Variants in PARD3B observed in about 807,000 individuals in gnomAD.
The protein encoded by PARD3B is partitioning defective 3 homolog B.
In PARD3B, 103 loss-of-function variants were observed where a neutral mutation model predicts 130.2. The observed-to-expected ratio is 0.79, with a 90% CI of 0.67 to 0.93. PARD3B has a LOEUF of 0.93. Ranked by LOEUF, PARD3B falls within the 40% of genes least tolerant of loss-of-function variation. PARD3B has a pLI of 0.00. For missense variants in PARD3B, 1,609 were observed against 1,499.2 expected (o/e 1.07, Z -1.21); for synonymous variants, 583 against 553.2 (o/e 1.05, Z -0.76).
At chr2:204,831,316 A>T (rs1270238252) in intron 2 of PARD3B, among the ~76,000 whole-genome samples, 1 of 152,228 alleles carries the variant, frequency 6.6e-6, no homozygotes, top group Non-Finnish European at 1.5e-5. Context: ...ATTGGAAAAG[A>T]AGTACAATTT....
intron 10 of PARD3B, among the ~76,000 whole-genome samples, chr2:205,131,588 A>G (rs1361551493): frequency 6.6e-6 from 1 of 152,194 alleles, no homozygotes; most frequent in Non-Finnish European, 1.5e-5. Context: ...AAATGAGCAA[A>G]TAAATTGTTA....
At chr2:205,539,680 G>A (rs2052035093) in intron 21 of PARD3B, among the ~76,000 whole-genome samples, 1 of 152,160 alleles carries the variant, frequency 6.6e-6, no homozygotes, top group South Asian at 2.1e-4. Flanking sequence ...TATTTCCTCA[G>A]TAGTTTAGAT....
At chr2:204,614,794 C>A (rs1025941784) in intron 1 of PARD3B, among the ~76,000 whole-genome samples, 1 of 152,110 alleles carries the variant, frequency 6.6e-6, no homozygotes, top group African/African-American at 2.4e-5. Context: ...GCTCCTCCTC[C>A]CGCTTCACCT....
intron 2 of PARD3B, among the ~76,000 whole-genome samples, chr2:204,857,741 C>A (rs1056284782): frequency 6.6e-6 from 1 of 152,114 alleles, no homozygotes; most frequent in African/African-American, 2.4e-5. Flanking sequence ...AGGAAGAACA[C>A]TTCTGGGGAG....
intron 20 of PARD3B, among the ~76,000 whole-genome samples, chr2:205,479,409 T>G (rs1341237685): frequency 6.6e-6 from 1 of 152,174 alleles, no homozygotes; most frequent in Admixed American, 6.5e-5. Flanking sequence ...TAGCCACTAT[T>G]GGGGGACTAG....
rs2046440704 is a variant in PARD3B, at chr2:205,407,158, A to T, written c.2741+6035A>T. 6.6e-6 allele frequency among the ~76,000 whole-genome samples: 1 copy of T among 152,200 alleles called. No homozygotes were observed. Among genetic ancestry groups the T allele is most frequent in the Admixed American group, 6.5e-5 (1 of 15,270 alleles). On this transcript the variant is annotated intron_variant, in intron 19 of 22. Transcript: ENST00000406610. The surrounding 1 kb of genome is among the most constrained non-coding windows in gnomAD (Gnocchi z 4.1). Reference sequence around the variant, plus strand: ...GCATACACCATTGTTACCTGAGTGTATAAGCCCAAGTTTCTTGCTCAAGAT... The same window carrying T: ...GCATACACCATTGTTACCTGAGTGTTTAAGCCCAAGTTTCTTGCTCAAGAT...
chr2:205,216,045 T>C (rs2037890890), intron 15 of PARD3B, among the ~76,000 whole-genome samples: 1 of 152,134 alleles, frequency 6.6e-6, no homozygotes, highest in South Asian at 2.1e-4. Flanking sequence ...ATGTACGATG[T>C]AGTAACATTT....
intron 3 of PARD3B, among the ~76,000 whole-genome samples, chr2:204,996,353 G>A (rs1375161278): frequency 3.3e-5 from 5 of 152,102 alleles, no homozygotes; most frequent in Non-Finnish European, 4.4e-5. Flanking sequence ...TGAGGTGTCA[G>A]TGTGCCCCTG....
intron 2 of PARD3B, among the ~76,000 whole-genome samples, chr2:204,765,485 C>G (rs914725950): frequency 6.6e-6 from 1 of 152,274 alleles, no homozygotes; most frequent in African/African-American, 2.4e-5. Context: ...CATGATTCCT[C>G]TAGATCCATA....
At chr2:205,522,897 TATTA>T (rs1231919201) in intron 21 of PARD3B, among the ~76,000 whole-genome samples, 4 of 152,098 alleles carry the variant, frequency 2.6e-5, no homozygotes, top group African/African-American at 7.2e-5. Flanking sequence ...AAAACAATCT[TATTA>T]ATTATATTGT....
rs1246385913 is a variant in PARD3B, at chr2:204,673,586, C to T, written c.121-12595C>T. 6.6e-6 allele frequency among the ~76,000 whole-genome samples: 1 copy of T among 152,226 alleles called. No homozygotes were observed. Among genetic ancestry groups the T allele is most frequent in the African/African-American group, 2.4e-5 (1 of 41,464 alleles). ...CCATTTGTTAGAAGACCTGGCTCCC[C>T]ACCTCCAGTCTGCCACTGACTTGCC... On this transcript the variant is annotated intron_variant, in intron 1 of 22. Coordinates refer to ENST00000406610, the MANE Select transcript of PARD3B (RefSeq NM_001302769.2). The surrounding 1 kb of genome is among the most constrained non-coding windows in gnomAD (Gnocchi z 4.7).
chr2:204,776,017 T>A (rs1452605823), intron 2 of PARD3B, among the ~76,000 whole-genome samples: 7 of 152,204 alleles, frequency 4.6e-5, no homozygotes, highest in Non-Finnish European at 1.0e-4. Flanking sequence ...TTCCCACTTG[T>A]TTGTTCAGCA....
rs1458783242 is a variant in PARD3B at position 205,142,272 on chromosome 2, TAAA to T, written c.1435-16449_1435-16447del. Among the ~76,000 whole-genome samples the T allele has an allele frequency of 6.6e-6, 1 of 152,122 alleles. No individual in the cohort carries two copies. The highest frequency in any genetic ancestry group is 1.5e-5 in the Non-Finnish European group (1 of 68,020). ...GTGGAGAGAATCCCATTTAAATAGT[TAAA>T]GAAGGTATATGTAACATTTGATTAA... On this transcript the variant is annotated intron_variant, in intron 10 of 22. Transcript: ENST00000406610. The surrounding 1 kb of genome is among the most constrained non-coding windows in gnomAD (Gnocchi z 4.3).
At chr2:204,738,981 T>G (rs1395984408) in intron 2 of PARD3B, among the ~76,000 whole-genome samples, 1 of 152,118 alleles carries the variant, frequency 6.6e-6, no homozygotes, top group Non-Finnish European at 1.5e-5. Flanking sequence ...CTATACTCAG[T>G]GGGAGGATTA....
At chr2:205,057,215 TTATG>T (rs1217262476) in intron 4 of PARD3B, among the ~76,000 whole-genome samples, 2 of 150,932 alleles carry the variant, frequency 1.3e-5, no homozygotes, top group Non-Finnish European at 3.0e-5. Flanking sequence ...AATCCTGACC[TTATG>T]TATGTATATG....
chr2:205,047,666 C>A lies in PARD3B; in HGVS notation c.480C>A (p.Gly160=). ...AGCCAAGCGCTTCACACCCTGGTGG[C>A]CAGAGTCTGAAACTGGTTGTTCCAG... ...DTQPSASHPG[G]QSLKLVVPDS... Residue 160 remains glycine, a synonymous_variant, in exon 4 of 23, where the codon GGC becomes GGA. Transcript: ENST00000406610. 1 of 1,549,962 alleles carries A rather than the reference C, an allele frequency of 6.5e-7. No individual in the cohort carries two copies. Among genetic ancestry groups the A allele is most frequent in the East Asian group, 2.4e-5 (1 of 40,918 alleles).
At chr2:204,601,907 T>C (rs1478874795) in intron 1 of PARD3B, among the ~76,000 whole-genome samples, 1 of 152,052 alleles carries the variant, frequency 6.6e-6, no homozygotes, top group Non-Finnish European at 1.5e-5. Context: ...GAAGTTGATA[T>C]AAGCTGTTTG....
chr2:204,817,089 T>C (rs1328877933), intron 2 of PARD3B, among the ~76,000 whole-genome samples: 1 of 152,140 alleles, frequency 6.6e-6, no homozygotes, highest in Non-Finnish European at 1.5e-5. Flanking sequence ...TTTTTATATA[T>C]TACATATCTA....
At chr2:205,404,173 G>A (rs1160243947) in intron 19 of PARD3B, among the ~76,000 whole-genome samples, 1 of 151,888 alleles carries the variant, frequency 6.6e-6, no homozygotes, top group African/African-American at 2.4e-5. Context: ...CCACATCTGT[G>A]GATTCAACCA....
Sources: allele counts gnomAD v4.1 joint callset (sites outside exome capture counted in the v4.1 genomes callset), GRCh38; gene constraint gnomAD v4.1.1; non-coding constraint Gnocchi (gnomAD v3.1); transcripts MANE v1.5; gene names NCBI Gene and HGNC (gene_info 2026-07-23, HGNC 2026-07-21).